Variants in ADGRB3 observed in about 807,000 individuals in gnomAD.
ADGRB3 encodes brain-specific angiogenesis inhibitor 3.
ADGRB3 carries 37 observed loss-of-function variants against 193.4 expected under a neutral mutation model. The ratio of observed to expected loss-of-function variants is 0.19; its 90% CI spans 0.15 to 0.25. The LOEUF (loss-of-function observed/expected upper bound fraction) is 0.25, where lower values mean the gene tolerates loss of function less well. ADGRB3 is among the 10% of genes least tolerant of loss of function. The pLI is 1.00. For synonymous variants in ADGRB3, 690 were observed against 644.2 expected, an observed-to-expected ratio of 1.07 and a Z score of -1.08; for missense variants, 1,637 against 1,852.9, an observed-to-expected ratio of 0.88 and a Z score of 2.14.
intron 20 of ADGRB3, among the ~76,000 whole-genome samples, chr6:69,286,135 A>G (rs1384967361): frequency 6.6e-6 from 1 of 152,132 alleles, no homozygotes; most frequent in African/African-American, 2.4e-5. Context: ...TTTTCTAAGG[A>G]AAGTCTGGCA....
At position 68,956,369 on chromosome 6, in the gene ADGRB3, AT is replaced by A. The variant is rs572123524; in HGVS notation, c.1360+183del. On this transcript the variant is annotated intron_variant, in intron 7 of 31. Coordinates refer to ENST00000370598, the MANE Select transcript of ADGRB3 (RefSeq NM_001704.3). ...AATGAAGCCGATTATACCAGAATTT[AT>A]TCTAATGTATGCCATGCTAATAAAG... 1.8e-3 allele frequency among the ~76,000 whole-genome samples: 278 copies of A among 151,992 alleles called. 3 individuals are homozygous for A. The highest frequency in any genetic ancestry group is 6.8e-3 in the Middle Eastern group (2 of 294).
At chr6:69,172,873 C>G (rs986007016) in intron 17 of ADGRB3, among the ~76,000 whole-genome samples, 1 of 151,534 alleles carries the variant, frequency 6.6e-6, no homozygotes, top group South Asian at 2.1e-4. Flanking sequence ...AGAGAGCAGA[C>G]AGAACAAAAT....
intron 17 of ADGRB3, among the ~76,000 whole-genome samples, chr6:69,128,975 A>G (rs1773929091): frequency 6.6e-6 from 1 of 152,188 alleles, no homozygotes; most frequent in African/African-American, 2.4e-5. Context: ...GTTTCAAGTT[A>G]TAAGTCCTTT....
chr6:68,769,888 A>G (rs1290822226), intron 3 of ADGRB3, among the ~76,000 whole-genome samples: 1 of 152,126 alleles, frequency 6.6e-6, no homozygotes, highest in Non-Finnish European at 1.5e-5. Flanking sequence ...TCAAAATGGG[A>G]TAAGTTGAGG....
intron 17 of ADGRB3, 98 bp downstream of exon 17, chr6:69,076,136 TG>T: frequency 9.7e-7 from 1 of 1,026,834 alleles, no homozygotes; most frequent in Non-Finnish European, 1.5e-6. Flanking sequence ...TATAAGTCAG[TG>T]GGATGTTGCA....
chr6:69,100,878 A>C (rs9446093), intron 17 of ADGRB3, among the ~76,000 whole-genome samples: 15 of 19,116 alleles, frequency 7.8e-4, no homozygotes, highest in South Asian at 3.8e-3. Flanking sequence ...AGGAAGAAGG[A>C]AGGGAGGGAA....
At chr6:68,792,022 C>A (rs371722331) in intron 3 of ADGRB3, among the ~76,000 whole-genome samples, 16 of 152,232 alleles carry the variant, frequency 1.1e-4, no homozygotes, top group African/African-American at 3.4e-4. Context: ...GAGAAAAAAT[C>A]TTTGTTAAGA....
At chr6:68,896,205 G>A (rs1457322905) in intron 3 of ADGRB3, among the ~76,000 whole-genome samples, 2 of 152,048 alleles carry the variant, frequency 1.3e-5, no homozygotes, top group Admixed American at 6.6e-5. Flanking sequence ...TAATAATCAC[G>A]TTAGGTTTTG....
intron 9 of ADGRB3, 45 bp downstream of exon 9, chr6:68,974,909 C>A (rs1562107004): frequency 6.7e-7 from 1 of 1,488,070 alleles, no homozygotes; most frequent in Non-Finnish European, 9.4e-7. Context: ...AATCCCCATC[C>A]AAGAACAGCA....
chr6:69,239,320 A>T, intron 20 of ADGRB3, 94 bp downstream of exon 20: 1 of 856,138 alleles, frequency 1.2e-6, no homozygotes. Context: ...TAAAATGGAG[A>T]ACTTCTGACA....
At chr6:68,777,221 GAT>G (rs1391293440) in intron 3 of ADGRB3, among the ~76,000 whole-genome samples, 2 of 152,078 alleles carry the variant, frequency 1.3e-5, no homozygotes, top group African/African-American at 4.8e-5. Flanking sequence ...AAAGCACAGT[GAT>G]ATAACCTTTT....
intron 16 of ADGRB3, among the ~76,000 whole-genome samples, chr6:69,067,900 CT>C (rs1353729315): frequency 1.3e-5 from 2 of 152,072 alleles, no homozygotes; most frequent in Non-Finnish European, 2.9e-5. Context: ...TTTAAAAACA[CT>C]TTAGTATGAT....
intron 3 of ADGRB3, among the ~76,000 whole-genome samples, chr6:68,689,917 G>A (rs1349291670): frequency 1.3e-5 from 2 of 152,128 alleles, no homozygotes; most frequent in East Asian, 3.9e-4. Context: ...TGTTTTGCCT[G>A]TCTCTTCACA....
intron 15 of ADGRB3, among the ~76,000 whole-genome samples, chr6:69,050,477 T>C (rs1169394654): frequency 1.3e-5 from 2 of 152,178 alleles, no homozygotes; most frequent in Non-Finnish European, 2.9e-5. Context: ...AGAAAAAAGT[T>C]TGAAAACAAA....
intron 3 of ADGRB3, among the ~76,000 whole-genome samples, chr6:68,699,739 G>A (rs1765211397): frequency 1.3e-5 from 2 of 151,332 alleles, no homozygotes; most frequent in African/African-American, 2.4e-5. Context: ...AGAGCAGTTC[G>A]ACCAATTAGT....
At chr6:68,842,232 A>G (rs144098468) in intron 3 of ADGRB3, among the ~76,000 whole-genome samples, 1 of 152,098 alleles carries the variant, frequency 6.6e-6, no homozygotes, top group East Asian at 1.9e-4. Context: ...TCAATGAACC[A>G]AAAAGTGAGT....
rs1244859353 is a variant in ADGRB3, at chr6:69,031,066, C to T, written c.2107+12567C>T. On this transcript the variant is annotated intron_variant, in intron 13 of 31. Coordinates refer to ENST00000370598, the MANE Select transcript of ADGRB3 (RefSeq NM_001704.3). ...CTTCTCTTCTCTTCTCTTCTCTTCT[C>T]TTCTCTTCTCTTCTCTTCTCTTCTC... Among the ~76,000 whole-genome samples, 116 of 44,278 alleles carry T rather than the reference C, an allele frequency of 2.6e-3. 4 individuals are homozygous for T. Among genetic ancestry groups the T allele is most frequent in the Non-Finnish European group, 4.4e-3 (72 of 16,476 alleles). 29.0% of individuals were successfully genotyped at this position (44,278 alleles called of 152,430 possible).
chr6:68,893,901 T>C (rs1294204845), intron 3 of ADGRB3, among the ~76,000 whole-genome samples: 1 of 151,950 alleles, frequency 6.6e-6, no homozygotes, highest in African/African-American at 2.4e-5. Context: ...ATACTTAATC[T>C]GGTATTTAAC....
At chr6:69,052,088 C>T (rs1450604555) in intron 15 of ADGRB3, among the ~76,000 whole-genome samples, 1 of 152,130 alleles carries the variant, frequency 6.6e-6, no homozygotes, top group Non-Finnish European at 1.5e-5. Flanking sequence ...TGGGGTTTCA[C>T]CATGTTAGCC....
Sources: gnomAD v4.1 joint callset for allele counts (sites outside exome capture counted in the v4.1 genomes callset) on GRCh38, gnomAD v4.1.1 for gene constraint, MANE v1.5 for transcripts, NCBI Gene and HGNC (gene_info 2026-07-23, HGNC 2026-07-21) for gene names.